DIP2B: variants seen among roughly 807,000 people sequenced by gnomAD.
The protein encoded by DIP2B is DIP2 acetate--CoA ligase B (putative).
Under a neutral mutation model 198.0 loss-of-function variants are expected in DIP2B, and 76 were observed. The ratio of observed to expected loss-of-function variants is 0.38; its 90% CI spans 0.32 to 0.46. DIP2B has a LOEUF of 0.46. DIP2B is among the 20% of genes least tolerant of loss of function. DIP2B has a pLI of 0.99. For synonymous variants in DIP2B, 701 were observed against 739.1 expected (o/e 0.95, Z 0.84); for missense variants, 1,559 against 1,978.4 (o/e 0.79, Z 4.02).
intron 1 of DIP2B, among the ~76,000 whole-genome samples, chr12:50,562,986 CA>C (rs1304397997): frequency 6.6e-6 from 1 of 152,100 alleles, no homozygotes; most frequent in Non-Finnish European, 1.5e-5. Flanking sequence ...TTAGCTGCCA[CA>C]AAAAACCTAT....
intron 4 of DIP2B, among the ~76,000 whole-genome samples, chr12:50,663,401 C>G (rs188019858): frequency 1.4e-4 from 21 of 151,286 alleles, no homozygotes; most frequent in Non-Finnish European, 2.9e-4. Context: ...ACTAAAAATA[C>G]AAAAAATTAG....
At chr12:50,742,392 CTCAA>C (rs1465993854) in intron 37 of DIP2B, among the ~76,000 whole-genome samples, 1 of 13,516 alleles carries the variant, frequency 7.4e-5, no homozygotes, top group African/African-American at 3.2e-4. Flanking sequence ...CTGAGACTGT[CTCAA>C]AAAAAAAAAA....
At chr12:50,671,514 G>A in intron 5 of DIP2B, 116 bp downstream of exon 5, 1 of 982,758 alleles carries the variant, frequency 1.0e-6, no homozygotes, top group Non-Finnish European at 1.5e-6. Flanking sequence ...AAAAGAATTA[G>A]AGAAAACATG....
intron 1 of DIP2B, among the ~76,000 whole-genome samples, chr12:50,608,674 A>C (rs939764048): frequency 4.6e-5 from 7 of 152,050 alleles, no homozygotes; most frequent in Non-Finnish European, 1.0e-4. Context: ...TAGTAACACT[A>C]GCACAGTCTA....
In DIP2B at chr12:50,558,143, G is replaced by A. The variant is rs116379000; in HGVS notation, c.100+52903G>A. Among the ~76,000 whole-genome samples, 1,086 of 152,316 alleles carry A rather than the reference G, an allele frequency of 7.1e-3. 16 individuals are homozygous for A. Among genetic ancestry groups the A allele is most frequent in the African/African-American group, 0.025 (1,045 of 41,574 alleles). Reference sequence around the variant, plus strand: ...AGCACTTTGGGAGGCCAAGGTGGGAGGATCGCTTGAACCCAGGAATTCGAG... The same window carrying A: ...AGCACTTTGGGAGGCCAAGGTGGGAAGATCGCTTGAACCCAGGAATTCGAG... On this transcript the variant is annotated intron_variant, in intron 1 of 37. Transcript: ENST00000301180.
intron 1 of DIP2B, among the ~76,000 whole-genome samples, chr12:50,600,257 C>G (rs1434452356): frequency 6.6e-6 from 1 of 152,206 alleles, no homozygotes; most frequent in African/African-American, 2.4e-5. Flanking sequence ...ATATCCAAAA[C>G]CATCCCTGGC....
chr12:50,546,553 T>C (rs955767663), intron 1 of DIP2B, among the ~76,000 whole-genome samples: 4 of 152,212 alleles, frequency 2.6e-5, no homozygotes, highest in Admixed American at 6.5e-5. Context: ...CTAGCACTTA[T>C]TTTTGGGCAA....
At chr12:50,587,466 C>T (rs10783376) in intron 1 of DIP2B, among the ~76,000 whole-genome samples, 1 of 151,920 alleles carries the variant, frequency 6.6e-6, no homozygotes, top group Non-Finnish European at 1.5e-5. Context: ...GGTTACATGA[C>T]GGGGAGGGAT....
intron 2 of DIP2B, among the ~76,000 whole-genome samples, chr12:50,636,058 A>T (rs1321460624): frequency 6.6e-6 from 1 of 152,224 alleles, no homozygotes; most frequent in Non-Finnish European, 1.5e-5. Flanking sequence ...GAGAGATGAC[A>T]GTTACACAAA....
chr12:50,674,975 T>TTGTG (rs915576816), intron 6 of DIP2B, among the ~76,000 whole-genome samples: 4 of 152,124 alleles, frequency 2.6e-5, no homozygotes, highest in African/African-American at 9.7e-5. Context: ...CCATCCTGGC[T>TTGTG]AACACAGTGA....
chr12:50,728,806 A>G, intron 30 of DIP2B, 128 bp downstream of exon 30: 2 of 1,275,140 alleles, frequency 1.6e-6, no homozygotes, highest in Admixed American at 2.7e-5. Flanking sequence ...TCCAGAATTT[A>G]TGGATCTACT....
At chr12:50,571,639 G>A (rs916904521) in intron 1 of DIP2B, among the ~76,000 whole-genome samples, 3 of 126,710 alleles carry the variant, frequency 2.4e-5, no homozygotes, top group African/African-American at 6.0e-5. Context: ...TGCACCCTCC[G>A]CCTCCTGGGT....
chr12:50,686,698 T>C lies in DIP2B; in HGVS notation c.1551+16T>C. 1.2e-6 allele frequency: 2 copies of C among 1,604,270 alleles called. No individual in the cohort carries two copies. The highest frequency in any genetic ancestry group is 1.7e-6 in the Non-Finnish European group (2 of 1,175,364). On this transcript the variant is annotated intron_variant, in intron 12 of 37. Coordinates refer to ENST00000301180, the MANE Select transcript of DIP2B (RefSeq NM_173602.3). ...ATACATTGAGGTAAGTCCTAAGATG[T>C]AAAATATGCTTTCAGGCTTTTCCTT... is the stretch of plus-strand genomic sequence containing the variant.
At chr12:50,625,748 C>T (rs1360718820) in intron 1 of DIP2B, among the ~76,000 whole-genome samples, 2 of 152,090 alleles carry the variant, frequency 1.3e-5, no homozygotes, top group Non-Finnish European at 2.9e-5. Flanking sequence ...TATTGCTATG[C>T]AAGATTGGTT....
intron 1 of DIP2B, among the ~76,000 whole-genome samples, chr12:50,568,078 A>C (rs1958581432): frequency 6.6e-6 from 1 of 151,970 alleles, no homozygotes; most frequent in Non-Finnish European, 1.5e-5. Context: ...GTTTGTTCTC[A>C]CCTTCTGTAG....
chr12:50,699,371 G>C (rs993072965), intron 19 of DIP2B, among the ~76,000 whole-genome samples, 169 bp downstream of exon 19: 2 of 152,066 alleles, frequency 1.3e-5, no homozygotes, highest in African/African-American at 4.8e-5. Flanking sequence ...GCTGACCTTG[G>C]GTGAGTTGGT....
intron 3 of DIP2B, among the ~76,000 whole-genome samples, chr12:50,644,905 A>T (rs1477722113): frequency 1.3e-5 from 2 of 152,190 alleles, no homozygotes; most frequent in Non-Finnish European, 2.9e-5. Flanking sequence ...TTTAATTAAT[A>T]AATGTAAGAA....
chr12:50,633,800 T>C (rs1938108285), intron 2 of DIP2B, among the ~76,000 whole-genome samples: 2 of 151,974 alleles, frequency 1.3e-5, no homozygotes. Context: ...TTCAGTAGCA[T>C]CATAGGGATT....
chr12:50,618,706 C>T (rs1937748228), intron 1 of DIP2B, among the ~76,000 whole-genome samples: 1 of 152,166 alleles, frequency 6.6e-6, no homozygotes, highest in Admixed American at 6.5e-5. Flanking sequence ...TCACTGTCCT[C>T]ACCTATAAAT....
Sources: gnomAD v4.1 joint callset for allele counts (sites outside exome capture counted in the v4.1 genomes callset) on GRCh38, gnomAD v4.1.1 for gene constraint, MANE v1.5 for transcripts, NCBI Gene and HGNC (gene_info 2026-07-23, HGNC 2026-07-21) for gene names.